Variants in EOGT observed in about 807,000 individuals in gnomAD.
EOGT encodes the protein EGF domain-specific O-linked N-acetylglucosamine transferase.
In EOGT, 55 loss-of-function variants were observed where a neutral mutation model predicts 70.5. The ratio of observed to expected loss-of-function variants is 0.78; its 90% CI spans 0.63 to 0.98. The LOEUF (loss-of-function observed/expected upper bound fraction) is 0.98. Among genes scored for constraint, EOGT ranks in the 50% least tolerant of loss-of-function variants. EOGT has a pLI of 0.00. For synonymous variants in EOGT, 246 were observed against 217.1 expected (o/e 1.13, Z -1.17); for missense variants, 703 against 641.9 (o/e 1.10, Z -1.03).
At chr3:68,987,685 T>G in intron 13 of EOGT, 172 bp from the exon 14 acceptor site, 1 of 612,990 alleles carries the variant, frequency 1.6e-6, no homozygotes, top group Non-Finnish European at 2.8e-6. Flanking sequence ...TAAAAATGTA[T>G]CCACTTCAAC....
At chr3:68,977,864 T>C (rs1258927451) in intron 17 of EOGT, 100 bp from the exon 18 acceptor site, 6 of 1,247,266 alleles carry the variant, frequency 4.8e-6, no homozygotes, top group Non-Finnish European at 6.6e-6. Context: ...AACTAATTTA[T>C]GTTCTACATC....
chr3:69,003,435 G>A (rs1039143856), intron 8 of EOGT, among the ~76,000 whole-genome samples: 2 of 152,110 alleles, frequency 1.3e-5, no homozygotes, highest in African/African-American at 4.8e-5. Context: ...CTGTTCTCAA[G>A]ATCTGATAGT....
At chr3:68,989,747 TCAAAAAA>T (rs757325060) in intron 10 of EOGT, among the ~76,000 whole-genome samples, 1 of 52,986 alleles carries the variant, frequency 1.9e-5, no homozygotes, top group African/African-American at 9.9e-5. Flanking sequence ...AAACTCCATC[TCAAAAAA>T]AAAAAAAAAA....
rs780551902 is a variant in EOGT, at chr3:68,987,473, T to C, written c.1124A>G (p.Glu375Gly). 6 of 1,613,836 alleles carry C rather than the reference T, an allele frequency of 3.7e-6. No individual in the cohort carries two copies. Among genetic ancestry groups the C allele is most frequent in the Non-Finnish European group, 5.1e-6 (6 of 1,179,938 alleles). ...IRVTILARST[E>G]YRKILNQNEL... ...ATTTTGGTTAAGGATTTTCCGGTAT[T>C]CTGTGCTCCGTGCAAGAATGGTGAC... The change falls in exon 14 of 18, where the codon GAA becomes GGA. Residue 375 changes from glutamate (E) to glycine (G), a missense_variant. Coordinates refer to ENST00000383701, the MANE Select transcript of EOGT (RefSeq NM_001278689.2).
intron 14 of EOGT, among the ~76,000 whole-genome samples, chr3:68,986,795 T>C (rs998512292): frequency 1.3e-5 from 2 of 152,190 alleles, no homozygotes; most frequent in Non-Finnish European, 2.9e-5. Context: ...GTAAGCTCCA[T>C]GAGGTCAGGC....
At chr3:69,010,409 T>G (rs996608465) in intron 3 of EOGT, among the ~76,000 whole-genome samples, 4 of 152,216 alleles carry the variant, frequency 2.6e-5, no homozygotes, top group Admixed American at 2.6e-4. Context: ...TAGTGATACC[T>G]GAAACTAAAT....
At chr3:69,005,884 T>A (rs1245200168) in intron 6 of EOGT, among the ~76,000 whole-genome samples, 1 of 152,232 alleles carries the variant, frequency 6.6e-6, no homozygotes, top group Non-Finnish European at 1.5e-5. Context: ...CCATTTTAAT[T>A]GTTTTTCCCA....
chr3:68,998,229 G>C, intron 9 of EOGT, 115 bp from the exon 10 acceptor site: 1 of 637,992 alleles, frequency 1.6e-6, no homozygotes, highest in Non-Finnish European at 2.7e-6. Flanking sequence ...AATAAATGGG[G>C]AAAAAAATAA....
rs1553673401 is a variant in EOGT at position 69,007,507 on chromosome 3, C to CCGGGGGG, written c.420+205_420+206insCCCCCCG. 1.6e-3 allele frequency among the ~76,000 whole-genome samples: 39 copies of CCGGGGGG among 24,802 alleles called. 1 individual carries two copies. Among genetic ancestry groups the CCGGGGGG allele is most frequent in the African/African-American group, 5.7e-3 (39 of 6,888 alleles). The allele number at this position is 24,802 out of a possible 152,430, so 16.3% of individuals were successfully genotyped here. On this transcript the variant is annotated intron_variant, in intron 6 of 17. Transcript: ENST00000383701. ...CCTTTACTAAAAATATAAAAATTAG[C>CCGGGGGG]GGGGGGGGGTGGCACGCGCCTGTAA...
rs1157129794 is a variant in EOGT at position 68,977,120 on chromosome 3, A to G, written c.*498T>C. 6.3e-6 allele frequency: 1 copy of G among 158,378 alleles called. No homozygotes were observed. The highest frequency in any genetic ancestry group is 6.5e-5 in the Admixed American group (1 of 15,334). The allele number at this position is 158,378 out of a possible 1,614,324, so 9.8% of individuals were successfully genotyped here. A position where few individuals can be genotyped will look rare whatever the true frequency, so the allele number is the denominator to read the frequency against. ...GGTTGCAGTGAGCTGAGATCATGCC[A>G]CTGCACTCCAGCCTGGGTGACAGAG... On this transcript the variant is annotated 3_prime_UTR_variant, in exon 18 of 18. Coordinates refer to ENST00000383701, the MANE Select transcript of EOGT (RefSeq NM_001278689.2).
intron 16 of EOGT, 130 bp downstream of exon 16, chr3:68,979,538 T>A: frequency 9.9e-7 from 1 of 1,008,196 alleles, no homozygotes; most frequent in Non-Finnish European, 1.4e-6. Context: ...CTTTCCAGAT[T>A]GTCTATATGA....
intron 14 of EOGT, among the ~76,000 whole-genome samples, chr3:68,987,128 A>G (rs1171029673): frequency 6.6e-6 from 1 of 152,250 alleles, no homozygotes; most frequent in Non-Finnish European, 1.5e-5. Flanking sequence ...TCAACTATGC[A>G]AAAGAAAGTC....
Position 68,977,447 on chromosome 3 carries a change from C to T in EOGT, c.*171G>A. On this transcript the variant is annotated 3_prime_UTR_variant, in exon 18 of 18. Coordinates refer to ENST00000383701, the MANE Select transcript of EOGT (RefSeq NM_001278689.2). ...TGATAAATAGCAATGACACAAAAAC[C>T]ACATGAAACACTTAACATCTATACA... is the stretch of plus-strand genomic sequence containing the variant. 2 of 613,420 alleles carry T rather than the reference C, an allele frequency of 3.3e-6. No homozygotes were observed. Among genetic ancestry groups the T allele is most frequent in the Non-Finnish European group, 5.2e-6 (2 of 382,970 alleles). 38.0% of individuals were successfully genotyped at this position (613,420 alleles called of 1,614,324 possible). A position where few individuals can be genotyped will look rare whatever the true frequency, so the allele number is the denominator to read the frequency against.
intron 17 of EOGT, 50 bp downstream of exon 17, chr3:68,978,283 T>G: frequency 7.3e-7 from 1 of 1,374,032 alleles, no homozygotes; most frequent in Non-Finnish European, 1.0e-6. Flanking sequence ...AATTGGATAC[T>G]TTAAACCAAT....
intron 16 of EOGT, among the ~76,000 whole-genome samples, 174 bp downstream of exon 16, chr3:68,979,494 G>T (rs2090570201): frequency 6.6e-6 from 1 of 152,170 alleles, no homozygotes; most frequent in Admixed American, 6.5e-5. Flanking sequence ...ATGGCAGGCT[G>T]CAGACTTTGT....
At chr3:69,004,357 G>T in intron 8 of EOGT, 21 bp downstream of exon 8, 1 of 1,565,208 alleles carries the variant, frequency 6.4e-7, no homozygotes, top group Non-Finnish European at 8.8e-7. Flanking sequence ...TTCCGAAACA[G>T]ATACGTTAAA....
intron 3 of EOGT, among the ~76,000 whole-genome samples, chr3:69,010,064 T>C (rs553691679): frequency 8.5e-5 from 13 of 152,090 alleles, no homozygotes; most frequent in African/African-American, 3.1e-4. Context: ...CGTTAGCAAA[T>C]GGGTATACAG....
chr3:68,980,319 G>A (rs2090602353), intron 15 of EOGT, among the ~76,000 whole-genome samples: 1 of 152,170 alleles, frequency 6.6e-6, no homozygotes, highest in African/African-American at 2.4e-5. Flanking sequence ...TTTTTATAAT[G>A]CCCTCTGGGT....
In EOGT at chr3:68,998,076, G is replaced by C; in HGVS notation, c.766C>G (p.Leu256Val). ...MYHHFCDFIN[L>V]YITQHVNNSF... The stretch of plus-strand genomic sequence containing the variant: ...TTATTAACGTGCTGAGTAATATAAA[G>C]ATTGATGAAATCACAGAAGTGGTGA... Residue 256 changes from leucine to valine, a missense_variant, in exon 10 of 18, where the codon CTT becomes GTT. Leu to Val is a conservative substitution (Grantham distance 32). Coordinates refer to ENST00000383701, the MANE Select transcript of EOGT (RefSeq NM_001278689.2). 6.2e-7 allele frequency: 1 copy of C among 1,600,376 alleles called. No individual in the cohort carries two copies. Among genetic ancestry groups the C allele is most frequent in the Non-Finnish European group, 8.5e-7 (1 of 1,172,752 alleles).
Sources: allele counts gnomAD v4.1 joint callset (sites outside exome capture counted in the v4.1 genomes callset), GRCh38; gene constraint gnomAD v4.1.1; transcripts MANE v1.5; gene names NCBI Gene and HGNC (gene_info 2026-07-23, HGNC 2026-07-21).